Variants in GLRA2 observed in about 807,000 individuals in gnomAD.
GLRA2 encodes the protein glycine receptor alpha 2, also known as glycine receptor subunit alpha-2.
Under a neutral mutation model 31.6 loss-of-function variants are expected in GLRA2, and 11 were observed. The observed-to-expected ratio is 0.35, with a 90% CI of 0.22 to 0.58. The LOEUF (loss-of-function observed/expected upper bound fraction) is 0.58, where lower values mean the gene tolerates loss of function less well. Ranked by LOEUF, GLRA2 falls within the 20% of genes least tolerant of loss-of-function variation. The pLI is 0.84. For missense variants in GLRA2, 212 were observed against 351.8 expected (o/e 0.60, Z 3.18); for synonymous variants, 132 against 134.0 (o/e 0.99, Z 0.10).
At chrX:14,468,527 A>G in the GLRA2 span, among the ~76,000 whole-genome samples, 1 of 112,256 alleles carries the variant, frequency 8.9e-6, no homozygotes, top group Admixed American at 9.4e-5. Flanking sequence ...TTAATGTTCT[A>G]TGGAACTTAT....
chrX:14,555,992 C>A (rs996447745), intron 2 of GLRA2, among the ~76,000 whole-genome samples: 4 of 111,368 alleles, frequency 3.6e-5, no homozygotes, highest in African/African-American at 6.5e-5. Flanking sequence ...ATATAAAAGT[C>A]GACCATAATA....
At position 14,693,053 on chromosome X, in the gene GLRA2, AAAAAG is replaced by A. The variant is rs200809465; in HGVS notation, c.1080+2198_1080+2202del. Among the ~76,000 whole-genome samples the A allele has an allele frequency of 1.1e-3, 105 of 98,636 alleles. No homozygotes were observed. The South Asian group carries it at 0.014, about 14-fold the overall frequency. The allele number at this position is 98,636 out of a possible 115,157, so 85.7% of individuals were successfully genotyped here. A position where few individuals can be genotyped will look rare whatever the true frequency, so the allele number is the denominator to read the frequency against. ...AACTTAAAGTATAATAACAAAAAAA[AAAAAG>A]AAAGAGGGAATGCAGAACCAGACAG... On this transcript the variant is annotated intron_variant, in intron 8 of 8. Coordinates refer to ENST00000218075, the MANE Select transcript of GLRA2 (RefSeq NM_002063.4).
chrX:14,645,059 C>G (rs1428673799), intron 7 of GLRA2, among the ~76,000 whole-genome samples: 2 of 111,589 alleles, frequency 1.8e-5, no homozygotes, highest in Non-Finnish European at 3.8e-5. Flanking sequence ...AAAATTGTGG[C>G]CTGCACAACT....
the GLRA2 span, among the ~76,000 whole-genome samples, chrX:14,455,089 A>G: frequency 3.8e-3 from 420 of 111,673 alleles, 1 homozygote; most frequent in Middle Eastern, 9.3e-3. Context: ...CAGTGGTGCT[A>G]GTAGCTTTAC....
intron 4 of GLRA2, among the ~76,000 whole-genome samples, chrX:14,598,902 TA>T (rs1227953829): frequency 1.8e-5 from 2 of 112,325 alleles, no homozygotes; most frequent in Non-Finnish European, 3.8e-5. Flanking sequence ...TTAACAACTG[TA>T]AAGGTAACTG....
chrX:14,682,020 T>C (rs1374069022), intron 7 of GLRA2, among the ~76,000 whole-genome samples: 1 of 100,600 alleles, frequency 9.9e-6, no homozygotes, highest in East Asian at 2.9e-4. Flanking sequence ...TGTATATATA[T>C]AAATATATAT....
chrX:14,529,385 TC>T (rs2089223832), upstream of GLRA2: 1 of 109,291 alleles, frequency 9.1e-6, no homozygotes, highest in Non-Finnish European at 1.9e-5. Context: ...GAACGGCCAG[TC>T]ACTCTTTGCC....
the GLRA2 span, among the ~76,000 whole-genome samples, chrX:14,473,318 C>A: frequency 8.9e-6 from 1 of 111,956 alleles, no homozygotes; most frequent in Admixed American, 9.5e-5. Context: ...CACCCTCTAA[C>A]AAATTGAGGT....
chrX:14,581,526 T>C, intron 4 of GLRA2, 120 bp downstream of exon 4: 1 of 471,269 alleles, frequency 2.1e-6, no homozygotes, highest in Non-Finnish European at 3.7e-6. Flanking sequence ...TGTTTATCAT[T>C]TGAATCTTAA....
At chrX:14,621,026 A>C (rs16979637) in intron 7 of GLRA2, among the ~76,000 whole-genome samples, 1,697 of 111,719 alleles carry the variant, frequency 0.015, 31 homozygotes, top group African/African-American at 0.052. Flanking sequence ...AAACTGTACT[A>C]TAAATTCCTT....
the GLRA2 span, among the ~76,000 whole-genome samples, chrX:14,466,165 A>G: frequency 5.4e-5 from 6 of 111,716 alleles, no homozygotes; most frequent in East Asian, 8.4e-4. Context: ...AGAATCCCCA[A>G]CTAAGGGCAG....
At chrX:14,544,120 A>G (rs1044772216) in intron 2 of GLRA2, among the ~76,000 whole-genome samples, 3 of 112,115 alleles carry the variant, frequency 2.7e-5, no homozygotes, top group Non-Finnish European at 5.7e-5. Flanking sequence ...TTATGATGCC[A>G]CAAGAGAATT....
chrX:14,706,256 G>A (rs908400273), intron 8 of GLRA2, among the ~76,000 whole-genome samples: 5 of 111,408 alleles, frequency 4.5e-5, no homozygotes, highest in African/African-American at 1.6e-4. Context: ...TACCCCAGAC[G>A]TGTGGAATCA....
intron 3 of GLRA2, among the ~76,000 whole-genome samples, chrX:14,579,002 A>G (rs2089987305): frequency 8.9e-6 from 1 of 112,213 alleles, no homozygotes; most frequent in Non-Finnish European, 1.9e-5. Context: ...GTGTCTGCTC[A>G]GAGAACATCT....
chrX:14,552,457 A>C (rs1985371994), intron 2 of GLRA2, among the ~76,000 whole-genome samples: 1 of 112,365 alleles, frequency 8.9e-6, no homozygotes, highest in Non-Finnish European at 1.9e-5. Context: ...TCCTTTTTCC[A>C]AATCCAGAAG....
the GLRA2 span, among the ~76,000 whole-genome samples, chrX:14,513,685 C>A: frequency 9.0e-6 from 1 of 111,640 alleles, no homozygotes; most frequent in Middle Eastern, 4.6e-3. Context: ...CACTAATGAT[C>A]AGGGAAATTA....
chrX:14,495,730 C>G, the GLRA2 span, among the ~76,000 whole-genome samples: 5 of 108,828 alleles, frequency 4.6e-5, no homozygotes, highest in East Asian at 1.4e-3. Flanking sequence ...TCCCAACAAC[C>G]TTTGAGTGTA....
At chrX:14,485,940 G>A in the GLRA2 span, among the ~76,000 whole-genome samples, 72 of 111,791 alleles carry the variant, frequency 6.4e-4, no homozygotes, top group African/African-American at 2.3e-3. Flanking sequence ...CCTGCCCCAT[G>A]GGACAGGATG....
intron 8 of GLRA2, among the ~76,000 whole-genome samples, chrX:14,692,169 G>A (rs1373291103): frequency 3.6e-5 from 4 of 111,959 alleles, no homozygotes; most frequent in Non-Finnish European, 7.5e-5. Flanking sequence ...CTCACTCTTC[G>A]CTACCTCTCA....
Sources: gnomAD v4.1 joint callset for allele counts (sites outside exome capture counted in the v4.1 genomes callset) on GRCh38, gnomAD v4.1.1 for gene constraint, MANE v1.5 for transcripts, NCBI Gene and HGNC (gene_info 2026-07-23, HGNC 2026-07-21) for gene names.